The following RBFOX1 variants were observed in gnomAD, a reference collection of about 807,000 sequenced individuals.
RBFOX1 encodes RNA binding protein fox-1 homolog 1.
In RBFOX1, 8 loss-of-function variants were observed where a neutral mutation model predicts 57.7. The ratio of observed to expected loss-of-function variants is 0.14; its 90% CI spans 0.08 to 0.25. The LOEUF is 0.25. Among genes scored for constraint, RBFOX1 ranks in the 10% least tolerant of loss-of-function variants. The pLI, the probability that RBFOX1 is intolerant of heterozygous loss-of-function variation, is 1.00. For synonymous variants in RBFOX1, 326 were observed against 222.4 expected (o/e 1.47, Z -4.15); for missense variants, 611 against 548.5 (o/e 1.11, Z -1.14).
intron 3 of RBFOX1, among the ~76,000 whole-genome samples, chr16:6,823,406 G>A (rs770001826): frequency 1.4e-4 from 22 of 151,972 alleles, no homozygotes; most frequent in African/African-American, 3.6e-4. Flanking sequence ...ATATATGTGC[G>A]CCACCACACC....
At chr16:6,615,578 A>AG (rs1428470935) in intron 2 of RBFOX1, among the ~76,000 whole-genome samples, 1 of 152,128 alleles carries the variant, frequency 6.6e-6, no homozygotes, top group Non-Finnish European at 1.5e-5. Flanking sequence ...TAAAAAAAAA[A>AG]AAAAATCCTC....
At chr16:7,438,098 T>A (rs1400579373) in intron 4 of RBFOX1, among the ~76,000 whole-genome samples, 5 of 152,164 alleles carry the variant, frequency 3.3e-5, no homozygotes, top group Admixed American at 3.3e-4. Context: ...GATGCTTGTC[T>A]GACATCAGCT....
chr16:6,478,805 C>T (rs2095325519), intron 2 of RBFOX1, among the ~76,000 whole-genome samples: 1 of 152,004 alleles, frequency 6.6e-6, no homozygotes, highest in Non-Finnish European at 1.5e-5. Context: ...AGTGTGCCAT[C>T]TTATATGGGC....
intron 4 of RBFOX1, among the ~76,000 whole-genome samples, chr16:7,388,466 C>T (rs2097921218): frequency 6.6e-6 from 1 of 151,952 alleles, no homozygotes; most frequent in Non-Finnish European, 1.5e-5. Flanking sequence ...GATTTAAATT[C>T]TACTCCTCCT....
intron 3 of RBFOX1, among the ~76,000 whole-genome samples, chr16:6,853,396 TC>T (rs2094173032): frequency 6.6e-6 from 1 of 152,180 alleles, no homozygotes; most frequent in African/African-American, 2.4e-5. Flanking sequence ...GAATTTTAGT[TC>T]GCAGAGTTAC....
chr16:6,984,251 C>G (rs2007543), intron 3 of RBFOX1, among the ~76,000 whole-genome samples: 10,013 of 152,150 alleles, frequency 0.066, 405 homozygotes, highest in South Asian at 0.17. Flanking sequence ...CCATCTTAAA[C>G]ATAAAATAAA....
chr16:7,442,431 C>T (rs902686480), intron 4 of RBFOX1, among the ~76,000 whole-genome samples: 1 of 152,152 alleles, frequency 6.6e-6, no homozygotes. Flanking sequence ...GTGAACAGAC[C>T]TGCATGCTGT....
chr16:6,287,582 T>A (rs1372904325), intron 1 of RBFOX1, among the ~76,000 whole-genome samples: 1 of 152,156 alleles, frequency 6.6e-6, no homozygotes, highest in African/African-American at 2.4e-5. Flanking sequence ...GATTCATAGT[T>A]AGACTTTAGT....
At chr16:7,344,300 T>C (rs1307681445) in intron 4 of RBFOX1, among the ~76,000 whole-genome samples, 1 of 150,770 alleles carries the variant, frequency 6.6e-6, no homozygotes, top group African/African-American at 2.4e-5. Context: ...AAATCCAATA[T>C]AGTCAGGGCT....
intron 3 of RBFOX1, among the ~76,000 whole-genome samples, chr16:7,045,373 C>T (rs1182315856): frequency 6.6e-6 from 1 of 152,142 alleles, no homozygotes; most frequent in African/African-American, 2.4e-5. Context: ...ACAAACATGT[C>T]TACTATAGAG....
intron 2 of RBFOX1, among the ~76,000 whole-genome samples, chr16:6,575,586 G>T (rs1048348937): frequency 6.6e-6 from 1 of 152,072 alleles, no homozygotes; most frequent in African/African-American, 2.4e-5. Flanking sequence ...GGCTAGGCAC[G>T]GTGGCTCATG....
At chr16:6,315,551 GGATGGATGGATGGATGGATGGATGGATA>G (rs201696533) in intron 1 of RBFOX1, among the ~76,000 whole-genome samples, 44,756 of 147,490 alleles carry the variant, frequency 0.3, 7,132 homozygotes, top group Middle Eastern at 0.38. Flanking sequence ...ATGGATGGAT[GGATGGATGGATGGATGGATGGATGGATA>G]GATGGATGGA....
chr16:7,571,800 G>C (rs1287856760), intron 5 of RBFOX1, among the ~76,000 whole-genome samples: 1 of 149,706 alleles, frequency 6.7e-6, no homozygotes, highest in Non-Finnish European at 1.5e-5. Flanking sequence ...TGATGGGGAG[G>C]CTGCGTCTCA....
intron 5 of RBFOX1, among the ~76,000 whole-genome samples, chr16:7,551,540 A>C (rs2086539039): frequency 6.6e-6 from 1 of 152,208 alleles, no homozygotes; most frequent in South Asian, 2.1e-4. Context: ...CATTGTTTTG[A>C]GGGAAATGGT....
intron 2 of RBFOX1, among the ~76,000 whole-genome samples, chr16:6,536,404 C>A (rs887364013): frequency 6.6e-6 from 1 of 152,160 alleles, no homozygotes; most frequent in African/African-American, 2.4e-5. Context: ...TAATTTCTGT[C>A]CCCTATTGTC....
chr16:7,686,769 A>G (rs986007553), intron 14 of RBFOX1, among the ~76,000 whole-genome samples: 3 of 152,128 alleles, frequency 2.0e-5, no homozygotes, highest in African/African-American at 7.2e-5. Context: ...CATGGTTTTC[A>G]GATTCACGGT....
upstream of RBFOX1, among the ~76,000 whole-genome samples, chr16:6,016,284 G>T: frequency 6.6e-6 from 1 of 151,168 alleles, no homozygotes; most frequent in East Asian, 1.9e-4. Context: ...GGGAGTTGAG[G>T]GATTGGCAGG....
At chr16:6,712,796 C>T (rs1020195551) in intron 3 of RBFOX1, among the ~76,000 whole-genome samples, 1 of 151,896 alleles carries the variant, frequency 6.6e-6, no homozygotes, top group Non-Finnish European at 1.5e-5. Flanking sequence ...GCTGTGTCCC[C>T]ACCCAAATTT....
In RBFOX1 at chr16:6,773,523, T is replaced by G. The variant is rs149186375; in HGVS notation, c.-16+118873T>G. 2.0e-3 allele frequency among the ~76,000 whole-genome samples: 252 copies of G among 123,680 alleles called. 2 individuals carry two copies. Among genetic ancestry groups the G allele is most frequent in the Admixed American group, 0.015 (181 of 11,902 alleles). 81.1% of individuals were successfully genotyped at this position (123,680 alleles called of 152,430 possible). On this transcript the variant is annotated intron_variant, in intron 3 of 15. Coordinates refer to ENST00000550418, the MANE Select transcript of RBFOX1 (RefSeq NM_018723.4). ...GTCTATGTGTATGTGTAGGAGTTGG[T>G]TGCATTTGTGTTGGGGGGCATAGGG...
Sources: allele counts gnomAD v4.1 joint callset (sites outside exome capture counted in the v4.1 genomes callset), GRCh38; gene constraint gnomAD v4.1.1; transcripts MANE v1.5; gene names NCBI Gene and HGNC (gene_info 2026-07-23, HGNC 2026-07-21).